The following APBB2 variants were observed in gnomAD, a reference collection of about 807,000 sequenced individuals.
APBB2 encodes Fe65-like 1.
A neutral mutation model predicts 82.5 loss-of-function variants in APBB2; 38 were observed. The observed-to-expected ratio is 0.46, with a 90% CI of 0.36 to 0.60. APBB2 has a LOEUF of 0.60. Among genes scored for constraint, APBB2 ranks in the 20% least tolerant of loss-of-function variants. The pLI is 0.00. For missense variants in APBB2, 772 were observed against 972.3 expected, an observed-to-expected ratio of 0.79 and a Z score of 2.74; for synonymous variants, 341 against 368.2, an observed-to-expected ratio of 0.93 and a Z score of 0.85.
At chr4:41,212,699 C>CAGT (rs1198407911) in intron 1 of APBB2, among the ~76,000 whole-genome samples, 1 of 152,154 alleles carries the variant, frequency 6.6e-6, no homozygotes. Flanking sequence ...CGGGGTCATA[C>CAGT]AGTACATGGA....
intron 10 of APBB2, among the ~76,000 whole-genome samples, chr4:40,914,493 A>T (rs979435717): frequency 2.6e-5 from 4 of 152,238 alleles, no homozygotes; most frequent in Admixed American, 6.5e-5. Context: ...CGGGGGTTGC[A>T]GTGAGCCGAC....
At chr4:40,902,614 G>A (rs1035601476) in intron 10 of APBB2, among the ~76,000 whole-genome samples, 1 of 152,120 alleles carries the variant, frequency 6.6e-6, no homozygotes, top group Admixed American at 6.5e-5. Context: ...GCTCACTGCA[G>A]CCTTGACCTC....
chr4:40,844,417 T>C (rs181758802), intron 12 of APBB2, among the ~76,000 whole-genome samples: 1 of 152,314 alleles, frequency 6.6e-6, no homozygotes. Flanking sequence ...AAAGCTGCAA[T>C]AACCTGCAAC....
chr4:41,207,198 CAAAAAAAAAAA>C (rs368548129), intron 1 of APBB2, among the ~76,000 whole-genome samples: 8 of 67,344 alleles, frequency 1.2e-4, no homozygotes, highest in African/African-American at 4.3e-4. Flanking sequence ...GACTCCGTCT[CAAAAAAAAAAA>C]AAAAAAAAAA....
chr4:40,843,449 AAAC>A (rs375579261), intron 12 of APBB2, among the ~76,000 whole-genome samples: 96,438 of 151,956 alleles, frequency 0.63, 30,981 homozygotes, highest in Admixed American at 0.7. Context: ...TGTTTTTATA[AAAC>A]AAGCATGGTC....
At chr4:41,186,043 T>C (rs1329484888) in intron 1 of APBB2, among the ~76,000 whole-genome samples, 8 of 152,218 alleles carry the variant, frequency 5.3e-5, no homozygotes, top group Non-Finnish European at 1.2e-4. Context: ...TGTCTGTATG[T>C]TTATAGCACA....
In APBB2 at chr4:40,815,639, C is replaced by G. The variant is rs1012390891; in HGVS notation, c.*453G>C. The G allele has an allele frequency of 6.4e-6, 1 of 157,426 alleles. No individual in the cohort carries two copies. The highest frequency in any genetic ancestry group is 1.4e-5 in the Non-Finnish European group (1 of 70,724). The allele number at this position is 157,426 out of a possible 1,614,324, so 9.8% of individuals were successfully genotyped here. ...TATTTTTACAGCAATTCAATGGTAT[C>G]TGCTATGCAGTGCCTACTCCAATGT... On this transcript the variant is annotated 3_prime_UTR_variant, in exon 18 of 18. Transcript: ENST00000508593.
intron 1 of APBB2, among the ~76,000 whole-genome samples, chr4:41,206,526 A>ACTGG (rs1429393490): frequency 6.6e-6 from 1 of 152,214 alleles, no homozygotes; most frequent in Non-Finnish European, 1.5e-5. Context: ...TGGAAAAGGT[A>ACTGG]TACACAGACC....
intron 3 of APBB2, among the ~76,000 whole-genome samples, chr4:41,086,336 C>T (rs1002920293): frequency 6.6e-6 from 1 of 152,020 alleles, no homozygotes; most frequent in African/African-American, 2.4e-5. Context: ...ACCCTGATAC[C>T]AAAGAAAAAC....
At chr4:40,836,432 C>A (rs1460560963) in intron 12 of APBB2, among the ~76,000 whole-genome samples, 1 of 152,154 alleles carries the variant, frequency 6.6e-6, no homozygotes, top group Non-Finnish European at 1.5e-5. Context: ...GGCTGAGATT[C>A]CACCACTGCA....
chr4:40,935,117 G>T lies in APBB2; in HGVS notation c.1067C>A (p.Ala356Asp). Residue 356 changes from alanine to aspartate, a missense_variant, in exon 8 of 18, where the codon GCT (alanine) becomes GAT (aspartate). Transcript: ENST00000508593. ...ENEKQPWSDF[A>D]VLNGGKINSD... Reference sequence around the variant, plus strand: ...ATTAATCTTTCCCCCATTCAGAACAGCAAAATCACTCCATGGCTGTTTCTA... The same window carrying T: ...ATTAATCTTTCCCCCATTCAGAACATCAAAATCACTCCATGGCTGTTTCTA... 6.5e-7 allele frequency: 1 copy of T among 1,534,458 alleles called. No homozygotes were observed. Among genetic ancestry groups the T allele is most frequent in the Non-Finnish European group, 8.7e-7 (1 of 1,145,242 alleles).
At chr4:40,961,228 T>C (rs891743625) in intron 6 of APBB2, among the ~76,000 whole-genome samples, 1 of 152,064 alleles carries the variant, frequency 6.6e-6, no homozygotes, top group African/African-American at 2.4e-5. Flanking sequence ...TCCTATTTCA[T>C]TCATCTCACA....
chr4:41,094,569 CA>C (rs1742859185), intron 3 of APBB2, among the ~76,000 whole-genome samples: 1 of 152,078 alleles, frequency 6.6e-6, no homozygotes, highest in South Asian at 2.1e-4. Context: ...TTAATTCTAT[CA>C]GCCACTTTTT....
intron 1 of APBB2, among the ~76,000 whole-genome samples, chr4:41,187,636 T>C (rs1340580391): frequency 1.3e-5 from 2 of 152,234 alleles, no homozygotes; most frequent in East Asian, 3.8e-4. Flanking sequence ...AACATGGTCA[T>C]TGTAAGAATT....
rs1164435796 is a variant in APBB2 at position 41,013,672 on chromosome 4, C to T, written c.746G>A (p.Arg249Gln). The T allele has an allele frequency of 2.5e-6, 4 of 1,614,084 alleles. No individual in the cohort carries two copies. Among genetic ancestry groups the T allele is most frequent in the Admixed American group, 3.3e-5 (2 of 60,006 alleles). Reference protein sequence around the residue: ...TGAKTDCALHRIQNLAPSDEE... With the variant: ...TGAKTDCALHQIQNLAPSDEE... ...ATCGCTCGGTGCCAGGTTCTGGATC[C>T]GGTGCAGTGCACAGTCGGTTTTGGC... Residue 249 changes from arginine to glutamine, a missense_variant, in exon 6 of 18, where the codon CGG (arginine) becomes CAG (glutamine). Arg to Gln is a conservative substitution (Grantham distance 43, BLOSUM62 1). Transcript: ENST00000508593.
Position 40,810,637 on chromosome 4 carries a change from T to C in APBB2, c.*5455A>G, listed in dbSNP as rs1458085957. The C allele has an allele frequency of 6.6e-6, 1 of 151,392 alleles. No individual in the cohort carries two copies. The highest frequency in any genetic ancestry group is 1.5e-5 in the Non-Finnish European group (1 of 67,912). The allele number at this position is 151,392 out of a possible 1,614,324, so 9.4% of individuals were successfully genotyped here. ...AGAAAGGAAACAAGACTTTTTATAG[T>C]TGAACCAGGCTTATTGTATTTTAAA... On this transcript the variant is annotated 3_prime_UTR_variant, in exon 18 of 18. Transcript: ENST00000508593.
In APBB2 at chr4:41,159,898, A is replaced by AAGAAGGAGAAGGAGAAGG. The variant is rs774287403; in HGVS notation, c.-416-16757_-416-16756insCCTTCTCCTTCTCCTTCT. Among the ~76,000 whole-genome samples, 36 of 76,100 alleles carry AAGAAGGAGAAGGAGAAGG rather than the reference A, an allele frequency of 4.7e-4. 3 individuals carry two copies. Among genetic ancestry groups the AAGAAGGAGAAGGAGAAGG allele is most frequent in the Non-Finnish European group, 5.8e-4 (24 of 41,194 alleles). 49.9% of individuals were successfully genotyped at this position (76,100 alleles called of 152,430 possible). A position where few individuals can be genotyped will look rare whatever the true frequency, so the allele number is the denominator to read the frequency against. On this transcript the variant is annotated intron_variant, in intron 1 of 17. Transcript: ENST00000508593. ...TAAGGGCAAAAAAAAAAAAAGGAAG[A>AAGAAGGAGAAGGAGAAGG]AGAAGGAGAAGGAGGAGGAGGAGGA...
chr4:40,835,618 G>C (rs896753035), intron 12 of APBB2, among the ~76,000 whole-genome samples: 4 of 152,248 alleles, frequency 2.6e-5, no homozygotes, highest in Admixed American at 1.3e-4. Flanking sequence ...TGCTGTGCGG[G>C]AGTCTGTACT....
chr4:40,933,907 C>T (rs1784801680), intron 10 of APBB2, among the ~76,000 whole-genome samples: 2 of 152,258 alleles, frequency 1.3e-5, no homozygotes, highest in African/African-American at 4.8e-5. Context: ...GCACTGGCCA[C>T]ATGCCCAGAA....
Sources: allele counts gnomAD v4.1 joint callset (sites outside exome capture counted in the v4.1 genomes callset), GRCh38; gene constraint gnomAD v4.1.1; transcripts MANE v1.5; gene names NCBI Gene and HGNC (gene_info 2026-07-23, HGNC 2026-07-21).